DENND1A: variants seen among roughly 807,000 people sequenced by gnomAD.
The protein encoded by DENND1A is DENN domain containing 1A.
Under a neutral mutation model 113.7 loss-of-function variants are expected in DENND1A, and 51 were observed. The ratio of observed to expected loss-of-function variants is 0.45; its 90% CI spans 0.36 to 0.57. The LOEUF (loss-of-function observed/expected upper bound fraction) is 0.57, where lower values mean the gene tolerates loss of function less well. Ranked by LOEUF, DENND1A falls within the 20% of genes least tolerant of loss-of-function variation. DENND1A has a pLI of 0.00. For synonymous variants in DENND1A, 565 were observed against 570.8 expected, an observed-to-expected ratio of 0.99 and a Z score of 0.14; for missense variants, 1,258 against 1,395.9, an observed-to-expected ratio of 0.90 and a Z score of 1.57.
At chr9:123,906,912 G>A (rs974674498) in intron 1 of DENND1A, among the ~76,000 whole-genome samples, 1 of 122,498 alleles carries the variant, frequency 8.2e-6, no homozygotes, top group Non-Finnish European at 1.8e-5. Flanking sequence ...CCAAAAAAGA[G>A]AATTTTAGAC....
chr9:123,796,756 T>TACACACAC (rs370185315), intron 2 of DENND1A, among the ~76,000 whole-genome samples: 7,893 of 141,492 alleles, frequency 0.056, 284 homozygotes, highest in Middle Eastern at 0.11. Context: ...TATGTGTACA[T>TACACACAC]ACACACACAC....
chr9:123,801,139 T>C (rs1246244976), intron 2 of DENND1A, among the ~76,000 whole-genome samples: 2 of 152,252 alleles, frequency 1.3e-5, no homozygotes, highest in Non-Finnish European at 2.9e-5. Flanking sequence ...CTATGTCCTT[T>C]GAGACTTTTG....
chr9:123,430,727 C>A (rs1476178426), intron 19 of DENND1A, among the ~76,000 whole-genome samples: 1 of 152,170 alleles, frequency 6.6e-6, no homozygotes, highest in East Asian at 1.9e-4. Context: ...GGATGCTGGG[C>A]TTAATACCTA....
At chr9:123,912,621 C>G (rs1001605793) in intron 1 of DENND1A, among the ~76,000 whole-genome samples, 1 of 152,194 alleles carries the variant, frequency 6.6e-6, no homozygotes, top group Admixed American at 6.5e-5. Flanking sequence ...AGCCCACCCC[C>G]GCCAGAGTAG....
intron 10 of DENND1A, among the ~76,000 whole-genome samples, chr9:123,628,528 C>T (rs541084889): frequency 6.6e-6 from 1 of 152,018 alleles, no homozygotes; most frequent in African/African-American, 2.4e-5. Flanking sequence ...TGGAATGGGC[C>T]CAGGGGTTTG....
chr9:123,386,538 T>G (rs1310494693), intron 22 of DENND1A, among the ~76,000 whole-genome samples: 1 of 152,086 alleles, frequency 6.6e-6, no homozygotes, highest in Non-Finnish European at 1.5e-5. Flanking sequence ...TGAGCCACCA[T>G]GCCCAGCTAA....
chr9:123,442,568 T>C (rs970112814), intron 18 of DENND1A, among the ~76,000 whole-genome samples: 20 of 151,930 alleles, frequency 1.3e-4, no homozygotes, highest in African/African-American at 4.8e-4. Context: ...TAAAATTTTG[T>C]GCGTGGGTGT....
At chr9:123,446,822 TA>T (rs1200635391) in intron 18 of DENND1A, among the ~76,000 whole-genome samples, 2 of 150,212 alleles carry the variant, frequency 1.3e-5, no homozygotes, top group African/African-American at 2.5e-5. Flanking sequence ...AAAAACAAAA[TA>T]AAAAAAAGAA....
chr9:123,508,487 A>AT (rs1361650538), intron 13 of DENND1A, among the ~76,000 whole-genome samples: 1 of 152,244 alleles, frequency 6.6e-6, no homozygotes, highest in East Asian at 1.9e-4. Context: ...CACAGCAGGT[A>AT]TTTTGATTTG....
chr9:123,390,637 G>A (rs1014225849), intron 21 of DENND1A, among the ~76,000 whole-genome samples: 25 of 152,368 alleles, frequency 1.6e-4, no homozygotes, highest in Non-Finnish European at 2.8e-4. Context: ...CCTACTTGGT[G>A]TGAGCAGACC....
intron 13 of DENND1A, among the ~76,000 whole-genome samples, chr9:123,525,010 G>T (rs772103199): frequency 6.6e-6 from 1 of 152,162 alleles, no homozygotes; most frequent in African/African-American, 2.4e-5. Flanking sequence ...ACCTCTTATC[G>T]CTAAGGCGTT....
At chr9:123,919,782 T>C (rs1255649072) in intron 1 of DENND1A, among the ~76,000 whole-genome samples, 1 of 149,428 alleles carries the variant, frequency 6.7e-6, no homozygotes, top group Non-Finnish European at 1.5e-5. Flanking sequence ...CTGGGGTGGC[T>C]GAGGCACGAG....
At chr9:123,856,611 G>A (rs534100760) in intron 2 of DENND1A, among the ~76,000 whole-genome samples, 1 of 152,288 alleles carries the variant, frequency 6.6e-6, no homozygotes, top group South Asian at 2.1e-4. Context: ...GGAGGATTAT[G>A]CAGGGAACAA....
intron 12 of DENND1A, among the ~76,000 whole-genome samples, chr9:123,561,648 G>A (rs544770844): frequency 3.3e-4 from 50 of 152,206 alleles, no homozygotes; most frequent in African/African-American, 1.1e-3. Context: ...GATTCATCAG[G>A]GGTAATTTGG....
At chr9:123,393,542 A>T (rs1482894644) in intron 21 of DENND1A, among the ~76,000 whole-genome samples, 5 of 151,834 alleles carry the variant, frequency 3.3e-5, no homozygotes, top group South Asian at 4.2e-4. Context: ...AAAAAATAAA[A>T]AAAAAAAAAA....
At chr9:123,609,341 C>T in intron 11 of DENND1A, 95 bp downstream of exon 11, 1 of 1,396,566 alleles carries the variant, frequency 7.2e-7, no homozygotes, top group Non-Finnish European at 1.0e-6. Context: ...CTCCCACGTG[C>T]AGAGCTGTGA....
intron 5 of DENND1A, among the ~76,000 whole-genome samples, chr9:123,686,936 A>G (rs1326017740): frequency 6.6e-6 from 1 of 152,176 alleles, no homozygotes; most frequent in Non-Finnish European, 1.5e-5. Flanking sequence ...CTTGAATGTT[A>G]TATCATTCAA....
chr9:123,694,488 C>G (rs756512745), intron 5 of DENND1A, among the ~76,000 whole-genome samples: 1 of 152,248 alleles, frequency 6.6e-6, no homozygotes, highest in Non-Finnish European at 1.5e-5. Context: ...AGTCACACAT[C>G]TGCATAGCCT....
rs146816305 is a variant in DENND1A at position 123,634,872 on chromosome 9, G to A, written c.619-4396C>T. Among the ~76,000 whole-genome samples the A allele has an allele frequency of 3.5e-3, 533 of 152,320 alleles. 5 individuals carry two copies. The highest frequency in any genetic ancestry group is 0.012 in the African/African-American group (503 of 41,576). On this transcript the variant is annotated intron_variant, in intron 9 of 23. Transcript: ENST00000394215. Reference sequence around the variant, plus strand: ...TACAGCCAACAGCCAGTCTAGCCAGGACACAGACTGTACAGTAAACCACTG... The same window carrying A: ...TACAGCCAACAGCCAGTCTAGCCAGAACACAGACTGTACAGTAAACCACTG...
Sources: gnomAD v4.1 joint callset for allele counts (sites outside exome capture counted in the v4.1 genomes callset) on GRCh38, gnomAD v4.1.1 for gene constraint, MANE v1.5 for transcripts, NCBI Gene and HGNC (gene_info 2026-07-23, HGNC 2026-07-21) for gene names.